The following LRRTM1 variants were observed in gnomAD, a reference collection of about 807,000 sequenced individuals.
LRRTM1 encodes the protein leucine rich repeat transmembrane neuronal 1.
LRRTM1 carries 8 observed loss-of-function variants against 37.3 expected under a neutral mutation model. That is an observed-to-expected ratio of 0.21 (90% CI 0.13 to 0.39). LRRTM1 has a LOEUF of 0.39. Ranked by LOEUF, LRRTM1 falls within the 10% of genes least tolerant of loss-of-function variation. The probability of loss-of-function intolerance (pLI) is 1.00; values close to 1 mark genes in which losing one functional copy is unlikely to be tolerated. For missense variants in LRRTM1, 557 were observed against 691.0 expected (o/e 0.81, Z 2.17); for synonymous variants, 326 against 316.8 (o/e 1.03, Z -0.31).
chr2:80,297,236 G>A (rs1036851230), downstream of LRRTM1, among the ~76,000 whole-genome samples: 22 of 152,178 alleles, frequency 1.4e-4, no homozygotes, highest in Admixed American at 3.3e-4. Context: ...TTTGTTAGGT[G>A]TAGGAGTGGA....
In LRRTM1 at chr2:80,303,634, G is replaced by C. The variant is rs1283546339; in HGVS notation, c.186C>G (p.His62Gln). 6.2e-7 allele frequency: 1 copy of C among 1,613,676 alleles called. No individual in the cohort carries two copies. Among genetic ancestry groups the C allele is most frequent in the Admixed American group, 1.7e-5 (1 of 60,000 alleles). The change falls in exon 2 of 2, where the codon CAC becomes CAG. Residue 62 changes from histidine to glutamine, a missense_variant. By Grantham distance (24) the His-to-Gln change is conservative. Coordinates refer to ENST00000295057, the MANE Select transcript of LRRTM1 (RefSeq NM_178839.5). The surrounding 1 kb of genome is among the most constrained non-coding windows in gnomAD (Gnocchi z 7.7). ...ACAAGCCCAGCAGGCCGGACAGGTT[G>C]TGGGGCGCCTCGGTGAGGTTGAGCG... is the stretch of plus-strand genomic sequence containing the variant. ...CEALNLTEAPHNLSGLLGLSL... is the reference protein window; with the variant it reads ...CEALNLTEAPQNLSGLLGLSL...
intron 2 of LRRTM1, among the ~76,000 whole-genome samples, chr2:80,289,565 T>C (rs1315170337): frequency 6.6e-6 from 1 of 152,218 alleles, no homozygotes. Context: ...GTCACTCTAC[T>C]GTGGTGATGG....
At chr2:80,289,792 A>G (rs551110783) in intron 2 of LRRTM1, among the ~76,000 whole-genome samples, 1 of 152,236 alleles carries the variant, frequency 6.6e-6, no homozygotes, top group East Asian at 2.0e-4. Context: ...ACGGTAGGGA[A>G]AAAAGTCAAC....
At chr2:80,293,862 G>A (rs988464362) in intron 2 of LRRTM1, among the ~76,000 whole-genome samples, 4 of 152,250 alleles carry the variant, frequency 2.6e-5, no homozygotes, top group African/African-American at 4.8e-5. Context: ...CTTGGGTGTC[G>A]TGGAGTCTCC....
Position 80,302,273 on chromosome 2 carries a change from G to A in LRRTM1, c.1547C>T (p.Pro516Leu). The change falls in exon 2 of 2, where the codon CCC (proline) becomes CTC (leucine). Residue 516 changes from proline to leucine, a missense_variant. This residue lies in a region of LRRTM1 where 90 missense variants were observed against 149.4 expected (regional missense o/e 0.60). Transcript: ENST00000295057. This position sits in a 1 kb window ranked among gnomAD's most constrained non-coding sequence, Gnocchi z 6.4. ...EYGSCTCHQQ[P>L]ARECEV ...CAATCACACCTCGCATTCCCTCGCG[G>A]GCTGCTGGTGGCAGGTACACGAGCC... is the stretch of plus-strand genomic sequence containing the variant. 1 of 1,613,820 alleles carries A rather than the reference G, an allele frequency of 6.2e-7. No homozygotes were observed. The highest frequency in any genetic ancestry group is 8.5e-7 in the Non-Finnish European group (1 of 1,179,848).
Position 80,302,613 on chromosome 2 carries a change from C to A in LRRTM1, c.1207G>T (p.Asp403Tyr), listed in dbSNP as rs146172396. The change falls in exon 2 of 2, where the codon GAC becomes TAC. Residue 403 changes from aspartate to tyrosine, a missense_variant. By Grantham distance (160) the Asp-to-Tyr change is radical (BLOSUM62 -3). Coordinates refer to ENST00000295057, the MANE Select transcript of LRRTM1 (RefSeq NM_178839.5). This position sits in a 1 kb window ranked among gnomAD's most constrained non-coding sequence, Gnocchi z 6.4. Reference sequence around the variant, plus strand: ...ACGGTGGCAGGCTCGAATGTGCCGTCGTGCTGCCCCTCCCCGCCGTCCGCG... The same window carrying A: ...ACGGTGGCAGGCTCGAATGTGCCGTAGTGCTGCCCCTCCCCGCCGTCCGCG... Reference protein sequence around the residue: ...TLADGGEGQHDGTFEPATVAL... With the variant: ...TLADGGEGQHYGTFEPATVAL... 890 of 1,605,590 alleles carry A rather than the reference C, an allele frequency of 5.5e-4. 12 individuals are homozygous for A. In the East Asian group the frequency reaches 0.013, roughly 24 times the overall value.
At chr2:80,294,239 G>A (rs941357764) in intron 2 of LRRTM1, among the ~76,000 whole-genome samples, 1 of 152,162 alleles carries the variant, frequency 6.6e-6, no homozygotes, top group East Asian at 1.9e-4. Context: ...ACAAGTTTAT[G>A]TCTGCCTTGT....
chr2:80,303,312 C>T lies in LRRTM1; in HGVS notation c.508G>A (p.Ala170Thr), dbSNP rs866145118. The change falls in exon 2 of 2, where the codon GCC becomes ACC. Residue 170 changes from alanine (A) to threonine (T), a missense_variant. Physicochemically the swap from Ala to Thr is moderately conservative, Grantham distance 58. Transcript: ENST00000295057. This position sits in a 1 kb window ranked among gnomAD's most constrained non-coding sequence, Gnocchi z 7.7. ...LRKLTTLHMR[A>T]NAIQFVPVRI... ...ACGGGCACAAACTGGATGGCGTTGGCCCGCATATGCAGCGTGGTGAGCTTC... is the reference window on the plus strand; with the variant it reads ...ACGGGCACAAACTGGATGGCGTTGGTCCGCATATGCAGCGTGGTGAGCTTC... 3.7e-6 allele frequency: 6 copies of T among 1,613,658 alleles called. No individual in the cohort carries two copies. The highest frequency in any genetic ancestry group is 1.7e-5 in the Admixed American group (1 of 60,020).
rs1230311153 is a variant in LRRTM1, at chr2:80,302,930, G to A, written c.890C>T (p.Pro297Leu). The A allele has an allele frequency of 4.3e-6, 7 of 1,613,938 alleles. No individual in the cohort carries two copies. Among genetic ancestry groups the A allele is most frequent in the African/African-American group, 2.7e-5 (2 of 74,874 alleles). ...LDSNRLTYIE[P>L]RILNSWKSLT... ...GGACTTCCAAGAGTTGAGGATCCGG[G>A]GCTCGATGTAGGTGAGGCGGTTGGA... Residue 297 changes from proline to leucine, a missense_variant, in exon 2 of 2, where the codon CCC becomes CTC. Around this residue, in one of 5 missense-constraint regions of LRRTM1, gnomAD observed 200 missense variants for 249.9 expected, o/e 0.80. Transcript: ENST00000295057. This position sits in a 1 kb window ranked among gnomAD's most constrained non-coding sequence, Gnocchi z 6.4.
rs752633874 is a variant in LRRTM1, at chr2:80,303,109, C to T, written c.711G>A (p.Ser237=). 4.3e-6 allele frequency: 7 copies of T among 1,613,924 alleles called. No individual in the cohort carries two copies. Among genetic ancestry groups the T allele is most frequent in the South Asian group, 2.2e-5 (2 of 91,084 alleles). Residue 237 remains serine, a synonymous_variant, in exon 2 of 2, where the codon TCG becomes TCA. Transcript: ENST00000295057. This position sits in a 1 kb window ranked among gnomAD's most constrained non-coding sequence, Gnocchi z 7.7. ...CCACCTTGTTCCTCCGCAGGCAGAG[C>T]GAGTGCAGGGAGATGAGGCGCGGGA... The part of the protein sequence containing the change: ...AHFPRLISLH[S]LCLRRNKVAI...
At chr2:80,298,054 C>T (rs1011026932), downstream of LRRTM1, 1 of 150,772 alleles carries the variant, frequency 6.6e-6, no homozygotes, top group Non-Finnish European at 1.5e-5. Flanking sequence ...TATATATACA[C>T]ACACACACAT....
At chr2:80,297,715 G>T (rs1275412719), downstream of LRRTM1, among the ~76,000 whole-genome samples, 2 of 152,156 alleles carry the variant, frequency 1.3e-5, no homozygotes, top group East Asian at 1.9e-4. Flanking sequence ...ATTCCCATTT[G>T]CTGGCTCTTC....
Position 80,303,919 on chromosome 2 carries a change from G to A in LRRTM1, c.-59-41C>T, listed in dbSNP as rs1676639260. On this transcript the variant is annotated intron_variant, in intron 1 of 1. Transcript: ENST00000295057. The surrounding 1 kb of genome is among the most constrained non-coding windows in gnomAD (Gnocchi z 7.7). Reference sequence around the variant, plus strand: ...TTCCGAGGGAGGGGAAGCGGGGGAGGGGGAGAAAAGGGCAAAAAATCAAAT... The same window carrying A: ...TTCCGAGGGAGGGGAAGCGGGGGAGAGGGAGAAAAGGGCAAAAAATCAAAT... 4 of 1,351,482 alleles carry A rather than the reference G, an allele frequency of 3.0e-6. No individual in the cohort carries two copies. The Admixed American group carries it at 8.6e-5, about 29-fold the overall frequency. The allele number at this position is 1,351,482 out of a possible 1,614,324, so 83.7% of individuals were successfully genotyped here.
downstream of LRRTM1, among the ~76,000 whole-genome samples, chr2:80,300,587 C>A (rs1410335827): frequency 6.6e-6 from 1 of 151,806 alleles, no homozygotes; most frequent in African/African-American, 2.4e-5. Context: ...GTTCCCCATC[C>A]CCCCATTCCC....
rs772497780 is a variant in LRRTM1 at position 80,303,740 on chromosome 2, G to A, written c.80C>T (p.Ala27Val). 16 of 1,597,512 alleles carry A rather than the reference G, an allele frequency of 1.0e-5. No individual in the cohort carries two copies. The African/African-American group carries it at 2.1e-4, about 21-fold the overall frequency. The change falls in exon 2 of 2, where the codon GCC (alanine) becomes GTC (valine). Residue 27 changes from alanine (A) to valine (V), a missense_variant. Ala to Val is a moderately conservative substitution (Grantham distance 64). Transcript: ENST00000295057. The surrounding 1 kb of genome is among the most constrained non-coding windows in gnomAD (Gnocchi z 7.7). ...GGCGGCGGGCAGCATCTGAAAGCAG[G>A]CCCCCAGCAGACACAAGACCACCCC... ...PSGVVLCLLG[A>V]CFQMLPAAPS...
chr2:80,302,840 G>A lies in LRRTM1; in HGVS notation c.980C>T (p.Ser327Leu), dbSNP rs1428564349. Residue 327 changes from serine to leucine, a missense_variant, in exon 2 of 2, where the codon TCG (serine) becomes TTG (leucine). Physicochemically the swap from Ser to Leu is moderately radical, Grantham distance 145. Transcript: ENST00000295057. This position sits in a 1 kb window ranked among gnomAD's most constrained non-coding sequence, Gnocchi z 6.4. ...DCGRNVCALASWLNNFQGRYD... is the reference protein window; with the variant it reads ...DCGRNVCALALWLNNFQGRYD... Reference sequence around the variant, plus strand: ...GCGCCCCTGGAAGTTGTTGAGCCACGAGGCTAGGGCACACACGTTGCGCCC... The same window carrying A: ...GCGCCCCTGGAAGTTGTTGAGCCACAAGGCTAGGGCACACACGTTGCGCCC... 5.6e-6 allele frequency: 9 copies of A among 1,614,090 alleles called. No homozygotes were observed. Among genetic ancestry groups the A allele is most frequent in the African/African-American group, 2.7e-5 (2 of 75,058 alleles).
intron 2 of LRRTM1, among the ~76,000 whole-genome samples, chr2:80,293,713 CG>C: frequency 6.6e-6 from 1 of 152,250 alleles, no homozygotes; most frequent in African/African-American, 2.4e-5. Flanking sequence ...ACCACTCCAC[CG>C]ATCAGTGTCC....
chr2:80,303,658 C>T lies in LRRTM1; in HGVS notation c.162G>A (p.Ala54=), dbSNP rs768014889. The change falls in exon 2 of 2, where the codon GCG becomes GCA. Residue 54 remains alanine (A), a synonymous_variant. Coordinates refer to ENST00000295057, the MANE Select transcript of LRRTM1 (RefSeq NM_178839.5). This position sits in a 1 kb window ranked among gnomAD's most constrained non-coding sequence, Gnocchi z 7.7. ...RCEGRLLYCE[A]LNLTEAPHNL... ...TGTGGGGCGCCTCGGTGAGGTTGAG[C>T]GCCTCGCAGTACAGCAGCCGCCCCT... 2 of 1,612,762 alleles carry T rather than the reference C, an allele frequency of 1.2e-6. No homozygotes were observed. The highest frequency in any genetic ancestry group is 1.3e-5 in the African/African-American group (1 of 75,024).
In LRRTM1 at chr2:80,303,651, G is replaced by C. The variant is rs768820946; in HGVS notation, c.169C>G (p.Leu57Val). ...GACAGGTTGTGGGGCGCCTCGGTGA[G>C]GTTGAGCGCCTCGCAGTACAGCAGC... Reference protein sequence around the residue: ...GRLLYCEALNLTEAPHNLSGL... With the variant: ...GRLLYCEALNVTEAPHNLSGL... Residue 57 changes from leucine to valine, a missense_variant, in exon 2 of 2, where the codon CTC becomes GTC. Coordinates refer to ENST00000295057, the MANE Select transcript of LRRTM1 (RefSeq NM_178839.5). This position sits in a 1 kb window ranked among gnomAD's most constrained non-coding sequence, Gnocchi z 7.7. The C allele has an allele frequency of 6.2e-7, 1 of 1,613,226 alleles. No homozygotes were observed. The highest frequency in any genetic ancestry group is 2.2e-5 in the East Asian group (1 of 44,824).
Sources: allele counts gnomAD v4.1 joint callset (sites outside exome capture counted in the v4.1 genomes callset), GRCh38; gene constraint gnomAD v4.1.1; regional missense constraint gnomAD v4.1.1; non-coding constraint Gnocchi (gnomAD v3.1); transcripts MANE v1.5; gene names NCBI Gene and HGNC (gene_info 2026-07-23, HGNC 2026-07-21).